The following UACA variants were observed in gnomAD, a reference collection of about 807,000 sequenced individuals.
The protein encoded by UACA is nuclear membrane binding protein.
Under a neutral mutation model 160.5 loss-of-function variants are expected in UACA, and 112 were observed. The observed-to-expected ratio is 0.70, with a 90% CI of 0.60 to 0.82. UACA has a LOEUF of 0.82. Among genes scored for constraint, UACA ranks in the 40% least tolerant of loss-of-function variants. The pLI is 0.00. For synonymous variants in UACA, 557 were observed against 568.4 expected (o/e 0.98, Z 0.29); for missense variants, 1,574 against 1,614.6 (o/e 0.97, Z 0.43).
At chr15:70,743,257 G>A (rs1899594428) in intron 1 of UACA, among the ~76,000 whole-genome samples, 1 of 152,148 alleles carries the variant, frequency 6.6e-6, no homozygotes, top group African/African-American at 2.4e-5. Context: ...TTTTAAAACA[G>A]CTCATGTAAT....
chr15:70,696,215 C>A (rs1478491350), intron 2 of UACA, among the ~76,000 whole-genome samples: 1 of 152,162 alleles, frequency 6.6e-6, no homozygotes, highest in African/African-American at 2.4e-5. Context: ...CCTTAGTACT[C>A]CTAGTTCCCC....
intron 1 of UACA, among the ~76,000 whole-genome samples, chr15:70,755,054 G>A (rs2030337509): frequency 3.3e-5 from 5 of 152,082 alleles, no homozygotes; most frequent in African/African-American, 2.4e-5. Flanking sequence ...TAGGTGGCAG[G>A]ACAAACATTT....
At chr15:70,765,072 T>C (rs1160470856), upstream of UACA, among the ~76,000 whole-genome samples, 1 of 152,226 alleles carries the variant, frequency 6.6e-6, no homozygotes, top group Non-Finnish European at 1.5e-5. Context: ...CATTTAAAGC[T>C]GTATAACGTG....
intron 1 of UACA, chr15:70,702,260 C>T: frequency 9.5e-7 from 1 of 1,054,008 alleles, no homozygotes; most frequent in Non-Finnish European, 1.1e-6. Context: ...GAACAGCACT[C>T]TGCATCCTGC....
In UACA at chr15:70,657,080, T is replaced by G; in HGVS notation, c.4227A>C (p.Gln1409His). The G allele has an allele frequency of 1.2e-6, 2 of 1,614,134 alleles. No homozygotes were observed. Among genetic ancestry groups the G allele is most frequent in the Non-Finnish European group, 1.7e-6 (2 of 1,179,984 alleles). ...GCTAGCACACAAGCCCCTGCCGCAT[T>G]TGTATGATCTGGAGCAGAGCCTCCT... Reference protein sequence around the residue: ...DVQEALLQIIQMRQGLVC With the variant: ...DVQEALLQIIHMRQGLVC The change falls in exon 19 of 19, where the codon CAA becomes CAC. Residue 1409 changes from glutamine (Q) to histidine (H), a missense_variant. By Grantham distance (24) the Gln-to-His change is conservative. Coordinates refer to ENST00000322954, the MANE Select transcript of UACA (RefSeq NM_018003.4).
intron 1 of UACA, among the ~76,000 whole-genome samples, chr15:70,724,622 G>T (rs1376670835): frequency 6.6e-6 from 1 of 152,058 alleles, no homozygotes; most frequent in African/African-American, 2.4e-5. Flanking sequence ...TCGCTAAAAG[G>T]TGTGCTTCAT....
intron 1 of UACA, among the ~76,000 whole-genome samples, chr15:70,755,067 A>C (rs974982617): frequency 3.3e-5 from 5 of 152,246 alleles, no homozygotes; most frequent in Non-Finnish European, 4.4e-5. Context: ...AAACATTTGC[A>C]AAACTGTAAC....
rs191231413 is a variant in UACA, at chr15:70,694,981, T to C, written c.301+36A>G. On this transcript the variant is annotated intron_variant, in intron 3 of 18. Coordinates refer to ENST00000322954, the MANE Select transcript of UACA (RefSeq NM_018003.4). ...AGCAGTGGACAATGTTTGTTTTCAC[T>C]TTATGTTTTATAATTAACTATGGAG... is the stretch of plus-strand genomic sequence containing the variant. 2.3e-5 allele frequency: 35 copies of C among 1,513,590 alleles called. No individual in the cohort carries two copies. In the Admixed American group the frequency reaches 5.0e-4, roughly 22 times the overall value. 93.8% of individuals were successfully genotyped at this position (1,513,590 alleles called of 1,614,324 possible).
chr15:70,772,950 G>A, the UACA span, among the ~76,000 whole-genome samples: 5 of 151,810 alleles, frequency 3.3e-5, no homozygotes, highest in African/African-American at 1.2e-4. Context: ...TTAGCTGAGT[G>A]TGGTTGTTGG....
Position 70,664,767 on chromosome 15 carries a change from A to G in UACA, c.4008T>C (p.Asn1336=), listed in dbSNP as rs78551559. The change falls in exon 17 of 19, where the codon AAT becomes AAC. Residue 1336 remains asparagine, a synonymous_variant. Transcript: ENST00000322954. ...TTGTGTAGGTGAGTTGGGAAAGGCCATTGAGTGCCTGTTTTAATCTTTCCA... is the reference window on the plus strand; with the variant it reads ...TTGTGTAGGTGAGTTGGGAAAGGCCGTTGAGTGCCTGTTTTAATCTTTCCA... The part of the protein sequence containing the change: ...NDVERLKQAL[N]GLSQLTYTSG... 3.1e-3 allele frequency: 4,980 copies of G among 1,613,628 alleles called. 129 individuals are homozygous for G. The African/African-American group carries it at 0.058, about 19-fold the overall frequency.
At chr15:70,658,434 C>T (rs1896561063) in intron 18 of UACA, among the ~76,000 whole-genome samples, 1 of 152,160 alleles carries the variant, frequency 6.6e-6, no homozygotes, top group South Asian at 2.1e-4. Context: ...AATCTGTACA[C>T]TACCATCAAT....
chr15:70,726,640 G>A (rs1899152715), intron 1 of UACA, among the ~76,000 whole-genome samples: 1 of 152,116 alleles, frequency 6.6e-6, no homozygotes, highest in Non-Finnish European at 1.5e-5. Context: ...ACTAATGAAA[G>A]GGAATAGCCG....
At chr15:70,752,162 C>T (rs1358857530) in intron 1 of UACA, among the ~76,000 whole-genome samples, 2 of 150,522 alleles carry the variant, frequency 1.3e-5, no homozygotes, top group African/African-American at 2.5e-5. Flanking sequence ...CGCTTGAACC[C>T]GGGAGGCAGA....
At chr15:70,762,212 AG>A (rs1269994007) in intron 1 of UACA, among the ~76,000 whole-genome samples, 1 of 147,752 alleles carries the variant, frequency 6.8e-6, no homozygotes, top group African/African-American at 2.5e-5. Flanking sequence ...TTTATGTCCA[AG>A]TAAAATAATC....
At chr15:70,741,180 C>T (rs2141002407) in intron 1 of UACA, among the ~76,000 whole-genome samples, 1 of 152,332 alleles carries the variant, frequency 6.6e-6, no homozygotes, top group African/African-American at 2.4e-5. Flanking sequence ...CAAGAGCCTG[C>T]TGTTCTCACT....
At chr15:70,753,195 C>T (rs1246795935) in intron 1 of UACA, among the ~76,000 whole-genome samples, 1 of 152,118 alleles carries the variant, frequency 6.6e-6, no homozygotes, top group Non-Finnish European at 1.5e-5. Flanking sequence ...AGAAAATGAA[C>T]AATTCCTAAA....
intron 13 of UACA, 97 bp from the exon 14 acceptor site, chr15:70,672,098 T>C: frequency 1.9e-6 from 2 of 1,055,628 alleles, no homozygotes; most frequent in South Asian, 1.9e-5. Flanking sequence ...TCATTAAAAC[T>C]ACATTTTTGA....
At chr15:70,769,496 G>T in the UACA span, among the ~76,000 whole-genome samples, 1 of 151,382 alleles carries the variant, frequency 6.6e-6, no homozygotes, top group Non-Finnish European at 1.5e-5. Context: ...GGAAAGGGAA[G>T]GTCATAGGTA....
rs1393339482 is a variant in UACA, at chr15:70,763,515, C to A, written c.-108G>T. On this transcript the variant is annotated 5_prime_UTR_variant, in exon 1 of 19. Transcript: ENST00000322954. ...CAGAGGCGGCGCGGGCTGTACCAGC[C>A]CCACCTGCCTGCCACCTGCGGGCCC... 1 of 1,248,766 alleles carries A rather than the reference C, an allele frequency of 8.0e-7. No individual in the cohort carries two copies. Among genetic ancestry groups the A allele is most frequent in the Non-Finnish European group, 1.0e-6 (1 of 991,168 alleles). 77.4% of individuals were successfully genotyped at this position (1,248,766 alleles called of 1,614,324 possible). A position where few individuals can be genotyped will look rare whatever the true frequency, so the allele number is the denominator to read the frequency against.
Sources: allele counts gnomAD v4.1 joint callset (sites outside exome capture counted in the v4.1 genomes callset), GRCh38; gene constraint gnomAD v4.1.1; transcripts MANE v1.5; gene names NCBI Gene and HGNC (gene_info 2026-07-23, HGNC 2026-07-21).